The following TOX3 variants were observed in gnomAD, a reference collection of about 807,000 sequenced individuals.
The protein encoded by TOX3 is CAG trinucleotide repeat-containing gene F9 protein.
TOX3 carries 22 observed loss-of-function variants against 64.3 expected under a neutral mutation model. That is an observed-to-expected ratio of 0.34 (90% confidence interval 0.24 to 0.49). The LOEUF (loss-of-function observed/expected upper bound fraction) is 0.49, where lower values mean the gene tolerates loss of function less well. TOX3 is among the 20% of genes least tolerant of loss of function. The pLI is 0.99. For synonymous variants in TOX3, 291 were observed against 273.6 expected, an observed-to-expected ratio of 1.06 and a Z score of -0.63; for missense variants, 661 against 714.4, an observed-to-expected ratio of 0.93 and a Z score of 0.85.
At chr16:52,469,442 A>C (rs572002863) in intron 1 of TOX3, among the ~76,000 whole-genome samples, 2 of 152,350 alleles carry the variant, frequency 1.3e-5, no homozygotes, top group East Asian at 3.9e-4. Flanking sequence ...TAATATGGAA[A>C]GGCTCTGTGA....
chr16:52,439,570 C>T lies in TOX3; in HGVS notation c.1386G>A (p.Gln462=), dbSNP rs763353899. 24 of 1,553,564 alleles carry T rather than the reference C, an allele frequency of 1.5e-5. No homozygotes were observed. The highest frequency in any genetic ancestry group is 1.9e-5 in the Non-Finnish European group (22 of 1,138,544). ...QQQQMQQMQQ[Q]QLQQHQMHQQ... ...GATGCATTTGGTGCTGCTGGAGTTG[C>T]TGCTGCTGCATCTGTTGCATCTGTT... The change falls in exon 7 of 7, where the codon CAG becomes CAA. Residue 462 remains glutamine, a synonymous_variant. Transcript: ENST00000219746.
chr16:52,538,342 AT>A (rs1963003620), intron 1 of TOX3, among the ~76,000 whole-genome samples: 1 of 152,136 alleles, frequency 6.6e-6, no homozygotes, highest in Admixed American at 6.5e-5. Context: ...CACCTAGGAG[AT>A]TTTTTAAAGA....
chr16:52,519,598 A>C, intron 1 of TOX3: 1 of 1,422,168 alleles, frequency 7.0e-7, no homozygotes, highest in Non-Finnish European at 9.2e-7. Flanking sequence ...ACGAAAAAAA[A>C]AACAACATGG....
intron 1 of TOX3, among the ~76,000 whole-genome samples, chr16:52,479,296 A>T (rs955271969): frequency 2.0e-5 from 3 of 152,206 alleles, no homozygotes; most frequent in African/African-American, 7.2e-5. Flanking sequence ...AGATGTATGC[A>T]TTCTAGGCAG....
intron 2 of TOX3, 113 bp downstream of exon 2, chr16:52,468,396 C>A: frequency 1.1e-6 from 1 of 891,598 alleles, no homozygotes; most frequent in Non-Finnish European, 1.7e-6. Flanking sequence ...AAGTAGTTAC[C>A]TTGTGCCACA....
intron 1 of TOX3, among the ~76,000 whole-genome samples, chr16:52,484,747 G>C (rs900588358): frequency 6.6e-6 from 1 of 152,070 alleles, no homozygotes; most frequent in African/African-American, 2.4e-5. Context: ...GAATGAATGT[G>C]AGACTTCTCC....
intron 1 of TOX3, among the ~76,000 whole-genome samples, chr16:52,491,267 T>C (rs1234607885): frequency 6.6e-6 from 1 of 151,980 alleles, no homozygotes; most frequent in African/African-American, 2.4e-5. Flanking sequence ...CCTTTTCTGT[T>C]AACATCCAAT....
chr16:52,466,779 T>C (rs1960879278), intron 2 of TOX3, among the ~76,000 whole-genome samples: 1 of 152,010 alleles, frequency 6.6e-6, no homozygotes, highest in African/African-American at 2.4e-5. Flanking sequence ...TCCACTGAAA[T>C]AACCAAGAAA....
intron 1 of TOX3, among the ~76,000 whole-genome samples, chr16:52,525,026 A>T (rs2151480974): frequency 6.6e-6 from 1 of 152,220 alleles, no homozygotes; most frequent in East Asian, 1.9e-4. Flanking sequence ...GAAAGGCAAG[A>T]TATTTGAGGG....
At chr16:52,442,196 C>A (rs982100457) in intron 6 of TOX3, among the ~76,000 whole-genome samples, 1 of 152,122 alleles carries the variant, frequency 6.6e-6, no homozygotes, top group African/African-American at 2.4e-5. Flanking sequence ...AGTAAGCTTC[C>A]ATGAATTTCT....
intron 1 of TOX3, among the ~76,000 whole-genome samples, chr16:52,477,860 C>CA (rs1961259304): frequency 6.6e-6 from 1 of 152,098 alleles, no homozygotes. Flanking sequence ...TTTTAAGAGA[C>CA]AGAGTCTTGC....
At chr16:52,503,012 C>A (rs1962045821) in intron 1 of TOX3, among the ~76,000 whole-genome samples, 1 of 152,138 alleles carries the variant, frequency 6.6e-6, no homozygotes, top group African/African-American at 2.4e-5. Flanking sequence ...ACAGACAATA[C>A]ATAAACAAAT....
intron 1 of TOX3, among the ~76,000 whole-genome samples, chr16:52,496,647 G>A (rs1342204066): frequency 1.3e-5 from 2 of 152,118 alleles, no homozygotes; most frequent in African/African-American, 2.4e-5. Flanking sequence ...CTCTATTTGC[G>A]TATTCCTGAA....
At chr16:52,508,521 C>T (rs1049107853) in intron 1 of TOX3, among the ~76,000 whole-genome samples, 8 of 151,878 alleles carry the variant, frequency 5.3e-5, no homozygotes, top group Non-Finnish European at 7.4e-5. Flanking sequence ...AATATTGAAG[C>T]GGGGAAAAGC....
At chr16:52,530,200 G>A (rs1283514762) in intron 1 of TOX3, among the ~76,000 whole-genome samples, 1 of 152,194 alleles carries the variant, frequency 6.6e-6, no homozygotes, top group African/African-American at 2.4e-5. Flanking sequence ...TTATCATCAG[G>A]AAAAGCGTCC....
At chr16:52,451,200 C>T (rs572205871) in intron 3 of TOX3, among the ~76,000 whole-genome samples, 9 of 152,182 alleles carry the variant, frequency 5.9e-5, no homozygotes, top group Non-Finnish European at 1.2e-4. Context: ...ACATTGTCAG[C>T]GGCATCTGGA....
chr16:52,456,728 T>C (rs1271292582), intron 3 of TOX3, among the ~76,000 whole-genome samples: 1 of 152,216 alleles, frequency 6.6e-6, no homozygotes, highest in African/African-American at 2.4e-5. Flanking sequence ...AAACTTTAGA[T>C]CACTAACATA....
chr16:52,452,861 G>C (rs746583081), intron 3 of TOX3, among the ~76,000 whole-genome samples: 1 of 152,304 alleles, frequency 6.6e-6, no homozygotes, highest in Middle Eastern at 3.4e-3. Flanking sequence ...CTGGAGGAAA[G>C]TGTCACAAGT....
chr16:52,451,043 A>C (rs908922596), intron 3 of TOX3, among the ~76,000 whole-genome samples: 1 of 152,110 alleles, frequency 6.6e-6, no homozygotes. Context: ...TCTTTATTTT[A>C]TTCTCCCAGA....
Sources: allele counts gnomAD v4.1 joint callset (sites outside exome capture counted in the v4.1 genomes callset), GRCh38; gene constraint gnomAD v4.1.1; transcripts MANE v1.5; gene names NCBI Gene and HGNC (gene_info 2026-07-23, HGNC 2026-07-21).